Variants in MYH15 observed in about 807,000 individuals in gnomAD.
The protein encoded by MYH15 is myosin heavy chain 15.
A neutral mutation model predicts 240.5 loss-of-function variants in MYH15; 227 were observed. That is an observed-to-expected ratio of 0.94 (90% confidence interval 0.85 to 1.05). The LOEUF (loss-of-function observed/expected upper bound fraction) is 1.05, where lower values mean the gene tolerates loss of function less well. Ranked by LOEUF, MYH15 falls within the 50% of genes least tolerant of loss-of-function variation. The pLI is 0.00. For missense variants in MYH15, 2,217 were observed against 2,247.5 expected, an observed-to-expected ratio of 0.99 and a Z score of 0.27; for synonymous variants, 785 against 796.7, an observed-to-expected ratio of 0.99 and a Z score of 0.25.
chr3:108,544,071 G>A, the MYH15 span, among the ~76,000 whole-genome samples: 9 of 152,326 alleles, frequency 5.9e-5, no homozygotes, highest in Admixed American at 3.3e-4. Flanking sequence ...GATTTGTCCT[G>A]TGACCTCAAT....
chr3:108,470,011 G>A (rs756812675), intron 14 of MYH15, 31 bp downstream of exon 14: 26 of 1,582,818 alleles, frequency 1.6e-5, no homozygotes, highest in Non-Finnish European at 2.6e-6. Flanking sequence ...CTCCCGAAAT[G>A]AAAATGGACA....
chr3:108,509,687 T>G (rs1272277743), intron 1 of MYH15, among the ~76,000 whole-genome samples: 1 of 152,244 alleles, frequency 6.6e-6, no homozygotes, highest in Non-Finnish European at 1.5e-5. Flanking sequence ...GGTAGCTTCA[T>G]GTTATATCAT....
chr3:108,527,317 G>A (rs1255538987), intron 1 of MYH15, among the ~76,000 whole-genome samples: 4 of 152,094 alleles, frequency 2.6e-5, no homozygotes, highest in Admixed American at 2.6e-4. Context: ...CTACAAAACA[G>A]CCTCAATTAA....
chr3:108,425,249 C>G (rs1438208767), intron 27 of MYH15, among the ~76,000 whole-genome samples: 2 of 152,170 alleles, frequency 1.3e-5, no homozygotes, highest in Non-Finnish European at 1.5e-5. Flanking sequence ...GCAATGGGAT[C>G]TAAAACTGGC....
At chr3:108,504,562 C>A (rs535223025) in intron 2 of MYH15, among the ~76,000 whole-genome samples, 153 of 152,272 alleles carry the variant, frequency 1.0e-3, no homozygotes, top group African/African-American at 3.4e-3. Flanking sequence ...TCAATAATAT[C>A]TGTTTGTTAC....
chr3:108,499,803 T>G (rs1268632546), intron 4 of MYH15, among the ~76,000 whole-genome samples: 1 of 152,204 alleles, frequency 6.6e-6, no homozygotes, highest in Non-Finnish European at 1.5e-5. Context: ...TAGAATAACT[T>G]CTTTGTGCCA....
Position 108,439,890 on chromosome 3 carries a change from T to C in MYH15, c.2922A>G (p.Val974=), listed in dbSNP as rs2082871790. The change falls in exon 24 of 41, where the codon GTA becomes GTG. Residue 974 remains valine, a synonymous_variant. Coordinates refer to ENST00000693548, the MANE Select transcript of MYH15 (RefSeq NM_014981.3). ...EHKVKNLTEE[V]EFLNEDISKL... Reference sequence around the variant, plus strand: ...TGCTGATATCCTCATTTAGAAACTCTACTTCCTCAGTCAAGTTCTTGACCT... The same window carrying C: ...TGCTGATATCCTCATTTAGAAACTCCACTTCCTCAGTCAAGTTCTTGACCT... 2 of 1,603,456 alleles carry C rather than the reference T, an allele frequency of 1.2e-6. No individual in the cohort carries two copies. The highest frequency in any genetic ancestry group is 4.5e-5 in the East Asian group (2 of 44,508).
At chr3:108,429,031 C>A in intron 26 of MYH15, 150 bp from the exon 27 acceptor site, 1 of 826,178 alleles carries the variant, frequency 1.2e-6, no homozygotes, top group Admixed American at 3.2e-5. Context: ...TGATTTGCCC[C>A]AATTCAGTAC....
At position 108,456,824 on chromosome 3, in the gene MYH15, T is replaced by A; in HGVS notation, c.2080A>T (p.Thr694Ser). The A allele has an allele frequency of 6.2e-7, 1 of 1,613,762 alleles. No individual in the cohort carries two copies. Among genetic ancestry groups the A allele is most frequent in the Non-Finnish European group, 8.5e-7 (1 of 1,179,844 alleles). ...GGAAAACCTTCACGGCATATCCTAG[T>A]CCCTTCCAAGACACCATTACAGCGC... ...QLRCNGVLEG[T>S]RICREGFPNR... The change falls in exon 19 of 41, where the codon ACT becomes TCT. Residue 694 changes from threonine (T) to serine (S), a missense_variant. Thr to Ser is a moderately conservative substitution (Grantham distance 58). Coordinates refer to ENST00000693548, the MANE Select transcript of MYH15 (RefSeq NM_014981.3).
intron 33 of MYH15, among the ~76,000 whole-genome samples, chr3:108,404,067 G>T (rs1037226979): frequency 5.9e-5 from 9 of 151,898 alleles, no homozygotes; most frequent in Non-Finnish European, 1.2e-4. Flanking sequence ...CAAGGCCCAG[G>T]GTTTTTGCCC....
At chr3:108,434,745 ATGAGAGT>A (rs1478079109) in intron 25 of MYH15, among the ~76,000 whole-genome samples, 1 of 152,174 alleles carries the variant, frequency 6.6e-6, no homozygotes, top group Non-Finnish European at 1.5e-5. Context: ...CCTTGTATAC[ATGAGAGT>A]GTTCCTCTAG....
the MYH15 span, among the ~76,000 whole-genome samples, chr3:108,537,013 G>A: frequency 6.6e-6 from 1 of 152,214 alleles, no homozygotes; most frequent in African/African-American, 2.4e-5. Context: ...GTTCTCTTCA[G>A]AGTAGGAATG....
intron 11 of MYH15, among the ~76,000 whole-genome samples, chr3:108,479,042 T>C (rs898743176): frequency 6.6e-6 from 1 of 152,138 alleles, no homozygotes; most frequent in South Asian, 2.1e-4. Flanking sequence ...GAGGAAACAA[T>C]AGAGGTCATC....
At chr3:108,497,433 A>C (rs1365976881) in intron 6 of MYH15, among the ~76,000 whole-genome samples, 1 of 152,074 alleles carries the variant, frequency 6.6e-6, no homozygotes, top group Non-Finnish European at 1.5e-5. Context: ...ACCTGATTTT[A>C]TTTTGCATAC....
chr3:108,475,940 C>T lies in MYH15; in HGVS notation c.1233+457G>A, dbSNP rs527715472. ...CTCTCATTTCTGTTTTCAACACACACCTCCTTTCAAATATTGATTTTTAGC... is the reference window on the plus strand; with the variant it reads ...CTCTCATTTCTGTTTTCAACACACATCTCCTTTCAAATATTGATTTTTAGC... On this transcript the variant is annotated intron_variant, in intron 12 of 40. Transcript: ENST00000693548. Among the ~76,000 whole-genome samples, 34 of 152,300 alleles carry T rather than the reference C, an allele frequency of 2.2e-4. No homozygotes were observed. In the South Asian group the frequency reaches 6.8e-3, roughly 31 times the overall value.
At chr3:108,415,850 C>T (rs953289696) in intron 29 of MYH15, among the ~76,000 whole-genome samples, 30 of 152,058 alleles carry the variant, frequency 2.0e-4, no homozygotes, top group African/African-American at 6.5e-4. Flanking sequence ...GAGGCTGGAG[C>T]CAGATCAGGG....
At chr3:108,403,895 G>C (rs552297523) in intron 33 of MYH15, among the ~76,000 whole-genome samples, 1 of 151,840 alleles carries the variant, frequency 6.6e-6, no homozygotes, top group Non-Finnish European at 1.5e-5. Flanking sequence ...TGTAGCTGAC[G>C]AGACACAGGC....
intron 36 of MYH15, among the ~76,000 whole-genome samples, chr3:108,392,792 C>T (rs977077313): frequency 6.6e-6 from 1 of 152,222 alleles, no homozygotes; most frequent in African/African-American, 2.4e-5. Context: ...AGAGCATCTT[C>T]ATAATATATG....
chr3:108,444,371 A>G (rs943028139), intron 22 of MYH15, among the ~76,000 whole-genome samples: 15 of 152,158 alleles, frequency 9.9e-5, no homozygotes, highest in Non-Finnish European at 2.1e-4. Flanking sequence ...TTAAATTAAG[A>G]CCCAGAGCTT....
Sources: allele counts gnomAD v4.1 joint callset (sites outside exome capture counted in the v4.1 genomes callset), GRCh38; gene constraint gnomAD v4.1.1; transcripts MANE v1.5; gene names NCBI Gene and HGNC (gene_info 2026-07-23, HGNC 2026-07-21).